The following RBM4 variants were observed in gnomAD, a reference collection of about 807,000 sequenced individuals.
RBM4 encodes the protein RNA-binding protein 4.
In RBM4, 7 loss-of-function variants were observed where a neutral mutation model predicts 29.5. The observed-to-expected ratio is 0.24, with a 90% CI of 0.14 to 0.45. The LOEUF (loss-of-function observed/expected upper bound fraction) is 0.45, where lower values mean the gene tolerates loss of function less well. RBM4 is among the 20% of genes least tolerant of loss of function. The pLI is 1.00. For synonymous variants in RBM4, 220 were observed against 205.4 expected (o/e 1.07, Z -0.61); for missense variants, 387 against 502.3 (o/e 0.77, Z 2.19).
chr11:66,639,472 TACTAAGG>T (rs1319401368), intron 1 of RBM4: 2 of 592,480 alleles, frequency 3.4e-6, no homozygotes, highest in African/African-American at 1.9e-5. Flanking sequence ...ACCCTTTGTC[TACTAAGG>T]ACCTCCCTAT....
intron 2 of RBM4, among the ~76,000 whole-genome samples, chr11:66,658,594 G>C (rs1939005828): frequency 6.6e-6 from 1 of 151,934 alleles, no homozygotes; most frequent in South Asian, 2.1e-4. Flanking sequence ...CAGTGTGGTA[G>C]CCAGAGACAT....
At chr11:66,649,847 C>G, downstream of RBM4, 1 of 684,750 alleles carries the variant, frequency 1.5e-6, no homozygotes, top group South Asian at 1.6e-5. Context: ...AGAGTTTTTG[C>G]AGGGACTATA....
intron 2 of RBM4, among the ~76,000 whole-genome samples, chr11:66,657,511 G>A (rs1312659271): frequency 3.3e-5 from 5 of 151,318 alleles, no homozygotes; most frequent in East Asian, 3.9e-4. Flanking sequence ...ATGAAACCCC[G>A]TCTCTACTAA....
exon 3 of RBM4, chr11:66,665,917 C>T: frequency 6.5e-7 from 1 of 1,535,452 alleles, no homozygotes; most frequent in Non-Finnish European, 8.7e-7. Flanking sequence ...CATACATTTT[C>T]AAGAACTGCA....
chr11:66,648,422 T>G (rs1192908079), downstream of RBM4, among the ~76,000 whole-genome samples: 2 of 151,882 alleles, frequency 1.3e-5, no homozygotes, highest in Non-Finnish European at 2.9e-5. Context: ...TCCAGAGGGC[T>G]GAGGTGGGAG....
At chr11:66,657,108 C>CTTTTT (rs748071140) in intron 2 of RBM4, among the ~76,000 whole-genome samples, 4 of 93,436 alleles carry the variant, frequency 4.3e-5, no homozygotes, top group East Asian at 3.4e-4. Flanking sequence ...ATTTTTTAGT[C>CTTTTT]TTTTTTTTTT....
At chr11:66,655,454 G>A (rs533806702) in intron 2 of RBM4, among the ~76,000 whole-genome samples, 8 of 151,998 alleles carry the variant, frequency 5.3e-5, no homozygotes, top group Non-Finnish European at 1.2e-4. Flanking sequence ...CATCCCACTC[G>A]TATTTCTTGT....
At chr11:66,652,041 A>G (rs2094651870) in intron 2 of RBM4, among the ~76,000 whole-genome samples, 1 of 152,196 alleles carries the variant, frequency 6.6e-6, no homozygotes, top group Non-Finnish European at 1.5e-5. Flanking sequence ...AGCTCTGAAT[A>G]TTAAAATAAT....
rs1345964961 is a variant in RBM4 at position 66,644,170 on chromosome 11, G to T, written c.*8+30G>T. The T allele has an allele frequency of 3.8e-6, 6 of 1,579,240 alleles. No individual in the cohort carries two copies. In the South Asian group the frequency reaches 7.1e-5, roughly 19 times the overall value. On this transcript the variant is annotated intron_variant, in intron 3 of 3. Coordinates refer to ENST00000310092, the MANE Select transcript of RBM4 (RefSeq NM_002896.4). Reference sequence around the variant, plus strand: ...GAGGGGTGGGGTGTTCCCTCTTCTGGTTTTGCCATCCCTCCTGCAGCCTAA... The same window carrying T: ...GAGGGGTGGGGTGTTCCCTCTTCTGTTTTTGCCATCCCTCCTGCAGCCTAA...
chr11:66,649,727 G>T, downstream of RBM4: 1 of 701,364 alleles, frequency 1.4e-6, no homozygotes, highest in Non-Finnish European at 2.6e-6. Flanking sequence ...CTTGCTTTTT[G>T]TTTTTTAGAC....
downstream of RBM4, chr11:66,649,954 C>T (rs1367650491): frequency 3.8e-6 from 2 of 528,578 alleles, no homozygotes; most frequent in Non-Finnish European, 6.7e-6. Context: ...TTCATTCTGT[C>T]TAGTAAATGT....
At chr11:66,664,841 T>C (rs953443291) in intron 2 of RBM4, among the ~76,000 whole-genome samples, 1 of 151,304 alleles carries the variant, frequency 6.6e-6, no homozygotes, top group Non-Finnish European at 1.5e-5. Context: ...TTAAGTGACC[T>C]GCCCACCTCA....
Position 66,656,237 on chromosome 11 carries a change from C to T in RBM4, c.413-9619C>T, listed in dbSNP as rs535825497. On this transcript the variant is annotated intron_variant, in intron 2 of 2. Coordinates refer to the RBM4 transcript ENST00000396053. ...CTGCAAGCTCTACCTCCTGGGTTCACGCCATTCTCCCACCTCAGCCTCTGA... is the reference window on the plus strand; with the variant it reads ...CTGCAAGCTCTACCTCCTGGGTTCATGCCATTCTCCCACCTCAGCCTCTGA... 1.1e-4 allele frequency among the ~76,000 whole-genome samples: 17 copies of T among 152,026 alleles called. No homozygotes were observed. The East Asian group carries it at 2.5e-3, about 23-fold the overall frequency.
At chr11:66,647,062 T>C (rs1261173857), downstream of RBM4, among the ~76,000 whole-genome samples, 1 of 152,226 alleles carries the variant, frequency 6.6e-6, no homozygotes, top group African/African-American at 2.4e-5. Context: ...ACCCAACATA[T>C]GAGGCTTTAG....
At chr11:66,656,160 G>A (rs917623581) in intron 2 of RBM4, among the ~76,000 whole-genome samples, 29 of 151,486 alleles carry the variant, frequency 1.9e-4, no homozygotes, top group African/African-American at 7.0e-4. Flanking sequence ...TTTTTTAGGC[G>A]GAGTCTCGCT....
chr11:66,666,444 C>T (rs1223176805), exon 3 of RBM4: 15 of 987,622 alleles, frequency 1.5e-5, no homozygotes, highest in African/African-American at 1.7e-5. Flanking sequence ...ACATCAGGCT[C>T]CTGGGACTGC....
At chr11:66,638,799 C>T (rs935877905) in intron 1 of RBM4, 47 bp downstream of exon 1, 1 of 152,384 alleles carries the variant, frequency 6.6e-6, no homozygotes, top group African/African-American at 2.4e-5. Context: ...TGTGTTAAAT[C>T]TTCTCTCACT....
At chr11:66,660,516 A>T (rs1306755866) in intron 2 of RBM4, among the ~76,000 whole-genome samples, 2 of 150,864 alleles carry the variant, frequency 1.3e-5, no homozygotes, top group Admixed American at 1.3e-4. Flanking sequence ...ATTTTTTTGT[A>T]GTTTTAGTAG....
At chr11:66,640,259 A>G in intron 2 of RBM4, 136 bp downstream of exon 2, 1 of 1,179,920 alleles carries the variant, frequency 8.5e-7, no homozygotes, top group East Asian at 2.5e-5. Context: ...TGGGTGATGG[A>G]CTTCTTATGA....
Sources: gnomAD v4.1 joint callset for allele counts (sites outside exome capture counted in the v4.1 genomes callset) on GRCh38, gnomAD v4.1.1 for gene constraint, MANE v1.5 for transcripts, NCBI Gene and HGNC (gene_info 2026-07-23, HGNC 2026-07-21) for gene names.